Variants in DNAJC10 observed in about 807,000 individuals in gnomAD.
DNAJC10 encodes DnaJ heat shock protein family (Hsp40) member C10.
DNAJC10 carries 101 observed loss-of-function variants against 115.0 expected under a neutral mutation model. The observed-to-expected ratio is 0.88, with a 90% CI of 0.75 to 1.04. The LOEUF (loss-of-function observed/expected upper bound fraction) is 1.04, where lower values mean the gene tolerates loss of function less well. DNAJC10 is among the 50% of genes least tolerant of loss of function. The pLI, the probability that DNAJC10 is intolerant of heterozygous loss-of-function variation, is 0.00. For synonymous variants in DNAJC10, 307 were observed against 301.5 expected (o/e 1.02, Z -0.19); for missense variants, 981 against 928.8 (o/e 1.06, Z -0.73).
chr2:182,754,845 C>G (rs963565683), intron 16 of DNAJC10, 158 bp from the exon 17 acceptor site: 3 of 1,369,640 alleles, frequency 2.2e-6, no homozygotes, highest in Admixed American at 5.5e-5. Context: ...ACCATAAGTC[C>G]TTTGCTAAAT....
intron 21 of DNAJC10, among the ~76,000 whole-genome samples, 162 bp downstream of exon 21, chr2:182,759,469 C>T (rs911466481): frequency 2.6e-5 from 4 of 151,854 alleles, no homozygotes; most frequent in African/African-American, 2.4e-5. Flanking sequence ...TAGTAGATTT[C>T]CTCTTTCTTT....
chr2:182,781,720 A>G lies in DNAJC10; in HGVS notation c.*4588A>G, dbSNP rs983676922. 2 of 152,136 alleles carry G rather than the reference A, an allele frequency of 1.3e-5. No individual in the cohort carries two copies. The highest frequency in any genetic ancestry group is 2.9e-5 in the Non-Finnish European group (2 of 68,018). 9.4% of individuals were successfully genotyped at this position (152,136 alleles called of 1,614,324 possible). A position where few individuals can be genotyped will look rare whatever the true frequency, so the allele number is the denominator to read the frequency against. Reference sequence around the variant, plus strand: ...TGCATTTCTCTAATGACCACTGATGATGAGCTTTTTTTCATATCTTTGTTG... The same window carrying G: ...TGCATTTCTCTAATGACCACTGATGGTGAGCTTTTTTTCATATCTTTGTTG... On this transcript the variant is annotated 3_prime_UTR_variant, in exon 24 of 24. Transcript: ENST00000264065.
chr2:182,738,162 G>A (rs1693633406), intron 11 of DNAJC10, among the ~76,000 whole-genome samples: 1 of 152,026 alleles, frequency 6.6e-6, no homozygotes, highest in Non-Finnish European at 1.5e-5. Flanking sequence ...GTTCTTTCTT[G>A]GTGTGTGTTT....
chr2:182,751,457 C>T (rs1264918020), intron 14 of DNAJC10, among the ~76,000 whole-genome samples: 1 of 152,052 alleles, frequency 6.6e-6, no homozygotes, highest in Non-Finnish European at 1.5e-5. Context: ...TTAACTAGTC[C>T]AGGAAACAGA....
rs529669406 is a variant in DNAJC10, at chr2:182,781,742, G to T, written c.*4610G>T. The T allele has an allele frequency of 1.3e-5, 2 of 151,888 alleles. No homozygotes were observed. Among genetic ancestry groups the T allele is most frequent in the African/African-American group, 2.4e-5 (1 of 41,398 alleles). 9.4% of individuals were successfully genotyped at this position (151,888 alleles called of 1,614,324 possible). A position where few individuals can be genotyped will look rare whatever the true frequency, so the allele number is the denominator to read the frequency against. On this transcript the variant is annotated 3_prime_UTR_variant, in exon 24 of 24. Coordinates refer to ENST00000264065, the MANE Select transcript of DNAJC10 (RefSeq NM_018981.4). Reference sequence around the variant, plus strand: ...ATGATGAGCTTTTTTTCATATCTTTGTTGGCCACCTAAATGTCTTCTTTTG... The same window carrying T: ...ATGATGAGCTTTTTTTCATATCTTTTTTGGCCACCTAAATGTCTTCTTTTG...
intron 22 of DNAJC10, among the ~76,000 whole-genome samples, chr2:182,765,883 T>C (rs1318617539): frequency 6.6e-6 from 1 of 152,210 alleles, no homozygotes; most frequent in Non-Finnish European, 1.5e-5. Context: ...GTTTTATAGT[T>C]TGTGGAAGGT....
intron 5 of DNAJC10, among the ~76,000 whole-genome samples, chr2:182,722,737 T>G (rs928480989): frequency 6.6e-6 from 1 of 152,056 alleles, no homozygotes; most frequent in Admixed American, 6.6e-5. Context: ...GATCAGGAGT[T>G]AGAAACCAGC....
intron 5 of DNAJC10, 79 bp from the exon 6 acceptor site, chr2:182,728,496 TC>T: frequency 1.1e-6 from 1 of 943,514 alleles, no homozygotes; most frequent in South Asian, 1.7e-5. Context: ...AATTCTGATC[TC>T]CACAAAAAGT....
chr2:182,777,031 A>ATTT (rs1694723943), intron 23 of DNAJC10, 90 bp from the exon 24 acceptor site: 2 of 839,218 alleles, frequency 2.4e-6, no homozygotes, highest in African/African-American at 3.5e-5. Context: ...CTGAAAAAGT[A>ATTT]AAATGTTGGT....
rs143103536 is a variant in DNAJC10 at position 182,738,697 on chromosome 2, C to T, written c.988-1602C>T. On this transcript the variant is annotated intron_variant, in intron 11 of 23. Coordinates refer to ENST00000264065, the MANE Select transcript of DNAJC10 (RefSeq NM_018981.4). ...CTGGGACTACAGGTGCACGCCGCCACACCCAGCTAATTTTTTGTATTTTTG... is the reference window on the plus strand; with the variant it reads ...CTGGGACTACAGGTGCACGCCGCCATACCCAGCTAATTTTTTGTATTTTTG... Among the ~76,000 whole-genome samples, 737 of 152,168 alleles carry T rather than the reference C, an allele frequency of 4.8e-3. 13 individuals are homozygous for T. The highest frequency in any genetic ancestry group is 0.017 in the African/African-American group (711 of 41,518).
At chr2:182,736,183 G>C in intron 10 of DNAJC10, 66 bp from the exon 11 acceptor site, 1 of 1,488,936 alleles carries the variant, frequency 6.7e-7, no homozygotes, top group Non-Finnish European at 8.9e-7. Flanking sequence ...GCTAAGTAAA[G>C]CTCTAAATCC....
intron 14 of DNAJC10, among the ~76,000 whole-genome samples, chr2:182,750,821 C>T (rs186941031): frequency 3.3e-5 from 5 of 152,236 alleles, no homozygotes; most frequent in Admixed American, 3.3e-4. Context: ...CATCACTGAG[C>T]CATAGGAATT....
chr2:182,762,532 A>T (rs1319173708), intron 21 of DNAJC10, 150 bp from the exon 22 acceptor site: 2 of 777,506 alleles, frequency 2.6e-6, no homozygotes, highest in East Asian at 3.1e-5. Context: ...GCTTAAAGGG[A>T]TAATGTGGAA....
intron 11 of DNAJC10, among the ~76,000 whole-genome samples, chr2:182,739,215 T>G (rs1693667013): frequency 1.4e-5 from 2 of 145,000 alleles, no homozygotes; most frequent in Non-Finnish European, 3.0e-5. Flanking sequence ...TATTTATATA[T>G]ATAATATCTC....
At chr2:182,755,778 A>C (rs1427175833) in intron 17 of DNAJC10, among the ~76,000 whole-genome samples, 1 of 152,220 alleles carries the variant, frequency 6.6e-6, no homozygotes, top group African/African-American at 2.4e-5. Flanking sequence ...CAAACCAGTC[A>C]TTCTTGGTTC....
chr2:182,721,941 G>T, intron 4 of DNAJC10, 84 bp from the exon 5 acceptor site: 1 of 747,996 alleles, frequency 1.3e-6, no homozygotes, highest in South Asian at 2.0e-5. Flanking sequence ...TTTTTTTGAT[G>T]ATTAAAACGA....
At chr2:182,741,792 A>G (rs1693743876) in intron 13 of DNAJC10, among the ~76,000 whole-genome samples, 1 of 152,122 alleles carries the variant, frequency 6.6e-6, no homozygotes, top group Non-Finnish European at 1.5e-5. Context: ...CCATTTAAAC[A>G]TTTTGTGAGT....
In DNAJC10 at chr2:182,793,174, G is replaced by C. The variant is rs1695083097; in HGVS notation, c.*16042G>C. ...GGCCAGAGGACAGGCTCCAAGGCAT[G>C]CTTGGCAGGTTCAAGGAACAGCAGG... On this transcript the variant is annotated 3_prime_UTR_variant, in exon 24 of 24. Transcript: ENST00000264065. The C allele has an allele frequency of 6.6e-6, 1 of 152,200 alleles. No individual in the cohort carries two copies. Among genetic ancestry groups the C allele is most frequent in the Non-Finnish European group, 1.5e-5 (1 of 68,158 alleles). The allele number at this position is 152,200 out of a possible 1,614,324, so 9.4% of individuals were successfully genotyped here.
At chr2:182,758,926 G>A in intron 20 of DNAJC10, 36 bp downstream of exon 20, 5 of 1,471,350 alleles carry the variant, frequency 3.4e-6, no homozygotes, top group Non-Finnish European at 4.7e-6. Flanking sequence ...GTATAAAATA[G>A]ATTCAAAGCC....
Sources: gnomAD v4.1 joint callset for allele counts (sites outside exome capture counted in the v4.1 genomes callset) on GRCh38, gnomAD v4.1.1 for gene constraint, MANE v1.5 for transcripts, NCBI Gene and HGNC (gene_info 2026-07-23, HGNC 2026-07-21) for gene names.